Variants in PMFBP1 observed in about 807,000 individuals in gnomAD.
PMFBP1 encodes the protein polyamine modulated factor 1 binding protein 1, also known as polyamine-modulated factor 1-binding protein 1.
PMFBP1 carries 131 observed loss-of-function variants against 137.8 expected under a neutral mutation model. The observed-to-expected ratio is 0.95, with a 90% CI of 0.82 to 1.10. The LOEUF (loss-of-function observed/expected upper bound fraction) is 1.10. PMFBP1 is among the 50% of genes least tolerant of loss of function. PMFBP1 has a pLI of 0.00. For synonymous variants in PMFBP1, 490 were observed against 450.4 expected (o/e 1.09, Z -1.11); for missense variants, 1,199 against 1,175.4 (o/e 1.02, Z -0.29).
Position 72,122,932 on chromosome 16 carries a change from T to G in PMFBP1, c.2750A>C (p.Lys917Thr). The part of the protein sequence containing the change: ...QLREQVKYIA[K>T]LSGEKDHLHS... ...GACTTACTCCTTTTCGCCACTCAGC[T>G]TGGCAATGTATTTCACCTGCTCTCG... Residue 917 changes from lysine (K) to threonine (T), a missense_variant, in exon 19 of 21, where the codon AAG becomes ACG. Lys to Thr is a moderately conservative substitution (Grantham distance 78, BLOSUM62 -1). Coordinates refer to ENST00000237353, the MANE Select transcript of PMFBP1 (RefSeq NM_031293.3). The G allele has an allele frequency of 1.9e-6, 3 of 1,613,480 alleles. No homozygotes were observed. The highest frequency in any genetic ancestry group is 2.5e-6 in the Non-Finnish European group (3 of 1,179,938).
chr16:72,150,180 C>T (rs1046365249), intron 5 of PMFBP1, among the ~76,000 whole-genome samples: 6 of 152,236 alleles, frequency 3.9e-5, no homozygotes, highest in Middle Eastern at 3.4e-3. Flanking sequence ...AGCCCCCTGC[C>T]GGACCCCCAT....
At chr16:72,221,722 T>C in the PMFBP1 span, among the ~76,000 whole-genome samples, 1 of 152,206 alleles carries the variant, frequency 6.6e-6, no homozygotes, top group Non-Finnish European at 1.5e-5. Context: ...ATTATAAATA[T>C]AAACAGTTAC....
intron 9 of PMFBP1, among the ~76,000 whole-genome samples, chr16:72,136,171 G>A (rs920204452): frequency 8.5e-5 from 13 of 152,178 alleles, no homozygotes; most frequent in Admixed American, 4.6e-4. Context: ...AACAATGCAA[G>A]TAAGTGTGTC....
chr16:72,140,370 T>A, intron 6 of PMFBP1, 42 bp downstream of exon 6: 1 of 1,554,110 alleles, frequency 6.4e-7, no homozygotes, highest in African/African-American at 1.4e-5. Flanking sequence ...CATGTCTTGA[T>A]TGAGGGTCTC....
the PMFBP1 span, among the ~76,000 whole-genome samples, chr16:72,206,693 G>A: frequency 6.6e-6 from 1 of 152,188 alleles, no homozygotes; most frequent in Non-Finnish European, 1.5e-5. Context: ...TTTGGTTTGA[G>A]AGTCCACACT....
intron 5 of PMFBP1, among the ~76,000 whole-genome samples, chr16:72,147,773 C>G (rs2042834318): frequency 6.6e-6 from 1 of 152,144 alleles, no homozygotes; most frequent in African/African-American, 2.4e-5. Flanking sequence ...TGAAAAAAAG[C>G]TCATCATCAC....
intron 9 of PMFBP1, among the ~76,000 whole-genome samples, chr16:72,135,460 A>T (rs1597467247): frequency 6.8e-6 from 1 of 148,044 alleles, no homozygotes; most frequent in South Asian, 2.1e-4. Context: ...CAAGTGATCC[A>T]CCCACCTCGG....
At chr16:72,209,378 T>C in the PMFBP1 span, among the ~76,000 whole-genome samples, 20,134 of 152,196 alleles carry the variant, frequency 0.13, 1,823 homozygotes, top group South Asian at 0.19. Flanking sequence ...CACTTATTAA[T>C]TTACAATGAT....
At chr16:72,205,527 A>G in the PMFBP1 span, among the ~76,000 whole-genome samples, 1 of 152,224 alleles carries the variant, frequency 6.6e-6, no homozygotes, top group Admixed American at 6.5e-5. Flanking sequence ...GGTGACCCCA[A>G]CACAGCCCAG....
the PMFBP1 span, among the ~76,000 whole-genome samples, chr16:72,211,012 AG>A: frequency 6.6e-6 from 1 of 152,190 alleles, no homozygotes; most frequent in African/African-American, 2.4e-5. Flanking sequence ...CAGTTGGTGA[AG>A]GGTGGCAAGG....
chr16:72,126,489 A>G (rs2042461205), intron 14 of PMFBP1, among the ~76,000 whole-genome samples: 1 of 152,214 alleles, frequency 6.6e-6, no homozygotes, highest in Non-Finnish European at 1.5e-5. Flanking sequence ...TGATAACAAC[A>G]TGTCCTTTGT....
chr16:72,232,299 C>G, the PMFBP1 span, among the ~76,000 whole-genome samples: 1 of 152,142 alleles, frequency 6.6e-6, no homozygotes, highest in Non-Finnish European at 1.5e-5. Context: ...AAATATCTGT[C>G]AAGCACAAGC....
chr16:72,220,891 C>T, the PMFBP1 span, among the ~76,000 whole-genome samples: 16 of 152,280 alleles, frequency 1.1e-4, no homozygotes, highest in Admixed American at 2.0e-4. Flanking sequence ...TGGGAAAGGT[C>T]GATCAACCTA....
upstream of PMFBP1, among the ~76,000 whole-genome samples, chr16:72,179,793 T>C (rs1407693016): frequency 6.6e-6 from 1 of 152,114 alleles, no homozygotes; most frequent in Non-Finnish European, 1.5e-5. Context: ...CTACAGCAGG[T>C]TGTAAAGTGC....
In PMFBP1 at chr16:72,132,820, T is replaced by G. The variant is rs746199761; in HGVS notation, c.1375A>C (p.Lys459Gln). 15 of 1,614,106 alleles carry G rather than the reference T, an allele frequency of 9.3e-6. No homozygotes were observed. In the African/African-American group the frequency reaches 2.0e-4, roughly 22 times the overall value. ...TTCTGGACCTCAGCCTGCAGGGCCT[T>G]GCACTCCGCCTCCTTGGACTTGTCC... ...KQDKSKEAEC[K>Q]ALQAEVQKLK... is the part of the protein sequence containing the mutation. The change falls in exon 10 of 21, where the codon AAG becomes CAG. Residue 459 changes from lysine (K) to glutamine (Q), a missense_variant. Coordinates refer to ENST00000237353, the MANE Select transcript of PMFBP1 (RefSeq NM_031293.3).
At chr16:72,128,476 A>G (rs1411459696) in intron 14 of PMFBP1, 181 bp downstream of exon 14, 2 of 1,536,122 alleles carry the variant, frequency 1.3e-6, no homozygotes, top group Non-Finnish European at 1.7e-6. Flanking sequence ...TGGAAGAAAC[A>G]TTTCTCTGGC....
chr16:72,118,292 A>T (rs1300700170), downstream of PMFBP1, among the ~76,000 whole-genome samples: 1 of 152,218 alleles, frequency 6.6e-6, no homozygotes, highest in African/African-American at 2.4e-5. Context: ...CAAAGAGCTT[A>T]AACAGACAAC....
At chr16:72,143,321 G>A (rs1163587758) in intron 5 of PMFBP1, among the ~76,000 whole-genome samples, 8 of 152,190 alleles carry the variant, frequency 5.3e-5, no homozygotes, top group Non-Finnish European at 1.0e-4. Context: ...ACGATAAGAT[G>A]GAAAATAAGT....
At chr16:72,244,174 C>T in the PMFBP1 span, among the ~76,000 whole-genome samples, 1 of 151,980 alleles carries the variant, frequency 6.6e-6, no homozygotes, top group Admixed American at 6.6e-5. Flanking sequence ...TCACATTAAC[C>T]TCCTTTGATG....
Sources: allele counts gnomAD v4.1 joint callset (sites outside exome capture counted in the v4.1 genomes callset), GRCh38; gene constraint gnomAD v4.1.1; transcripts MANE v1.5; gene names NCBI Gene and HGNC (gene_info 2026-07-23, HGNC 2026-07-21).